The following COP1 variants were observed in gnomAD, a reference collection of about 807,000 sequenced individuals.
The protein encoded by COP1 is COP1 E3 ubiquitin ligase, also known as E3 ubiquitin-protein ligase COP1.
A neutral mutation model predicts 101.3 loss-of-function variants in COP1; 24 were observed. The ratio of observed to expected loss-of-function variants is 0.24; its 90% CI spans 0.17 to 0.33. The LOEUF (loss-of-function observed/expected upper bound fraction) is 0.33. COP1 is among the 10% of genes least tolerant of loss of function. The pLI is 1.00. For missense variants in COP1, 663 were observed against 906.2 expected, an observed-to-expected ratio of 0.73 and a Z score of 3.45; for synonymous variants, 347 against 341.9, an observed-to-expected ratio of 1.01 and a Z score of -0.17.
intron 16 of COP1, chr1:175,988,717 C>T (rs558012978): frequency 5.1e-6 from 1 of 197,878 alleles, no homozygotes; most frequent in Admixed American, 5.3e-5. Flanking sequence ...CCTGTAGTCC[C>T]AGCTACTTGG....
chr1:176,077,166 A>C (rs1037699112), intron 11 of COP1, among the ~76,000 whole-genome samples: 5 of 152,138 alleles, frequency 3.3e-5, no homozygotes, highest in South Asian at 2.1e-4. Context: ...GCAGAGACAC[A>C]ATGATAAAAG....
rs551644619 is a variant in COP1, at chr1:176,093,825, G to A, written c.1027-7935C>T. Among the ~76,000 whole-genome samples, 353 of 151,284 alleles carry A rather than the reference G, an allele frequency of 2.3e-3. 2 individuals are homozygous for A. The highest frequency in any genetic ancestry group is 2.8e-3 in the Non-Finnish European group (187 of 67,880). On this transcript the variant is annotated intron_variant, in intron 9 of 19. Transcript: ENST00000367669. ...ACTACTCCAGCCTAGGTGACAGAGCGAGAGACTCTGTCTCAAAACAAAACA... is the reference window on the plus strand; with the variant it reads ...ACTACTCCAGCCTAGGTGACAGAGCAAGAGACTCTGTCTCAAAACAAAACA...
rs749542797 is a variant in COP1 at position 176,046,232 on chromosome 1, G to A, written c.1370C>T (p.Ala457Val). 5 of 1,605,738 alleles carry A rather than the reference G, an allele frequency of 3.1e-6. No individual in the cohort carries two copies. The highest frequency in any genetic ancestry group is 4.2e-6 in the Non-Finnish European group (5 of 1,176,788). The change falls in exon 12 of 20, where the codon GCA becomes GTA. Residue 457 changes from alanine (A) to valine (V), a missense_variant. This residue lies in a region of COP1 where 209 missense variants were observed against 383.3 expected (regional missense o/e 0.55). Coordinates refer to ENST00000367669, the MANE Select transcript of COP1 (RefSeq NM_022457.7). ...VYEYDTVIQD[A>V]VDIHYPENEM... The stretch of plus-strand genomic sequence containing the variant: ...ATTCTCAGGGTAATGAATATCCACT[G>A]CATCCTGGATGACAGTGTCATATTC...
intron 5 of COP1, among the ~76,000 whole-genome samples, chr1:176,159,638 A>G (rs1477258867): frequency 1.3e-5 from 2 of 152,194 alleles, no homozygotes; most frequent in African/African-American, 4.8e-5. Flanking sequence ...AATAAACCAA[A>G]TCTACACTTA....
chr1:176,063,968 T>C (rs1264986368), intron 11 of COP1, among the ~76,000 whole-genome samples: 1 of 152,194 alleles, frequency 6.6e-6, no homozygotes, highest in East Asian at 1.9e-4. Flanking sequence ...CAAAAGCCAC[T>C]TTCTTTCACA....
chr1:176,107,250 T>C (rs2149535755), intron 9 of COP1, among the ~76,000 whole-genome samples: 1 of 152,274 alleles, frequency 6.6e-6, no homozygotes, highest in South Asian at 2.1e-4. Flanking sequence ...CTCTGTCCAC[T>C]GAGAAAGCTT....
chr1:176,158,310 C>T lies in COP1; in HGVS notation c.762+4559G>A, dbSNP rs1044572260. On this transcript the variant is annotated intron_variant, in intron 5 of 19. Transcript: ENST00000367669. ...ATACTTATATGGAGTACCTTTCAAA[C>T]ACAAAAGTAAAATAAAGATTTTGTC... 6.6e-5 allele frequency among the ~76,000 whole-genome samples: 10 copies of T among 152,170 alleles called. 1 individual carries two copies. In the Middle Eastern group the frequency reaches 0.01, roughly 155 times the overall value.
chr1:176,131,290 G>C (rs145753899), intron 8 of COP1, among the ~76,000 whole-genome samples: 1 of 151,804 alleles, frequency 6.6e-6, no homozygotes. Context: ...TGCTAGATGA[G>C]GTGATGCTAA....
chr1:176,128,456 T>A (rs188191412), intron 8 of COP1, among the ~76,000 whole-genome samples: 11 of 152,160 alleles, frequency 7.2e-5, no homozygotes, highest in Non-Finnish European at 1.3e-4. Context: ...GACTTTGGCA[T>A]CAAGTTCAAC....
At chr1:176,139,245 G>C (rs1690266115) in intron 6 of COP1, among the ~76,000 whole-genome samples, 1 of 139,220 alleles carries the variant, frequency 7.2e-6, no homozygotes, top group African/African-American at 2.8e-5. Context: ...ACACCAGTCA[G>C]AATGGCAATT....
chr1:176,132,076 T>C (rs1400147905), intron 8 of COP1, among the ~76,000 whole-genome samples: 1 of 151,624 alleles, frequency 6.6e-6, no homozygotes, highest in Non-Finnish European at 1.5e-5. Flanking sequence ...CTTCTATCAA[T>C]AAAATCCTAA....
intron 11 of COP1, among the ~76,000 whole-genome samples, chr1:176,047,920 A>T (rs1398381547): frequency 6.6e-6 from 1 of 152,054 alleles, no homozygotes; most frequent in Admixed American, 6.6e-5. Context: ...CAAAAAAATG[A>T]AACAATTAGT....
At chr1:175,949,194 G>GAAAAAAAAAAAAAAAAAAAAAAAA (rs1649567940) in intron 18 of COP1, among the ~76,000 whole-genome samples, 3 of 35,804 alleles carry the variant, frequency 8.4e-5, no homozygotes, top group African/African-American at 2.4e-4. Context: ...AAAAAAAAAT[G>GAAAAAAAAAAAAAAAAAAAAAAAA]AACATGGGTA....
chr1:176,128,766 C>T (rs61821026), intron 8 of COP1, among the ~76,000 whole-genome samples: 1 of 151,862 alleles, frequency 6.6e-6, no homozygotes, highest in African/African-American at 2.4e-5. Context: ...AAAAACATTT[C>T]ATTTCCTGCA....
At chr1:176,009,493 C>T (rs549525710) in intron 15 of COP1, among the ~76,000 whole-genome samples, 44 of 151,930 alleles carry the variant, frequency 2.9e-4, no homozygotes, top group Non-Finnish European at 5.3e-4. Flanking sequence ...AAATTATGTC[C>T]TTGTGTACTG....
intron 15 of COP1, among the ~76,000 whole-genome samples, chr1:175,990,723 T>C (rs1658208034): frequency 6.6e-6 from 1 of 152,152 alleles, no homozygotes; most frequent in South Asian, 2.1e-4. Context: ...CATTATAAAA[T>C]GTCTTTGTTT....
chr1:176,182,648 GAA>G (rs889818257), intron 2 of COP1, among the ~76,000 whole-genome samples: 1 of 152,078 alleles, frequency 6.6e-6, no homozygotes, highest in African/African-American at 2.4e-5. Context: ...CAAAATCTCT[GAA>G]AAAAACATAT....
Position 176,007,341 on chromosome 1 carries a change from G to A in COP1, c.1730-17862C>T, listed in dbSNP as rs370764534. Among the ~76,000 whole-genome samples, 665 of 152,238 alleles carry A rather than the reference G, an allele frequency of 4.4e-3. 5 individuals are homozygous for A. Among genetic ancestry groups the A allele is most frequent in the Middle Eastern group, 6.8e-3 (2 of 294 alleles). ...GATCGTCTGAAGCCTTCTTCTCTCA[G>A]CTCGTCAAAGTCATTCTCCATCCAG... On this transcript the variant is annotated intron_variant, in intron 15 of 19. Coordinates refer to ENST00000367669, the MANE Select transcript of COP1 (RefSeq NM_022457.7).
intron 9 of COP1, among the ~76,000 whole-genome samples, chr1:176,104,151 A>G (rs867791036): frequency 2.2e-4 from 34 of 152,298 alleles, no homozygotes; most frequent in African/African-American, 7.9e-4. Flanking sequence ...TGGATGGATG[A>G]AATTAAATCC....
Sources: gnomAD v4.1 joint callset for allele counts (sites outside exome capture counted in the v4.1 genomes callset) on GRCh38, gnomAD v4.1.1 for gene constraint, gnomAD v4.1.1 regional missense constraint, MANE v1.5 for transcripts, NCBI Gene and HGNC (gene_info 2026-07-23, HGNC 2026-07-21) for gene names.